RTL10: variants seen among roughly 807,000 people sequenced by gnomAD.
The protein encoded by RTL10 is protein Bop.
For missense variants in RTL10, 477 were observed against 470.7 expected, an observed-to-expected ratio of 1.01 and a Z score of -0.12; for synonymous variants, 199 against 188.4, an observed-to-expected ratio of 1.06 and a Z score of -0.46.
chr22:19,849,882 C>A lies in RTL10; in HGVS notation c.*1285G>T. The A allele has an allele frequency of 2.0e-6, 2 of 985,480 alleles. No individual in the cohort carries two copies. The highest frequency in any genetic ancestry group is 2.4e-6 in the Non-Finnish European group (2 of 829,976). The allele number at this position is 985,480 out of a possible 1,614,324, so 61.0% of individuals were successfully genotyped here. A position where few individuals can be genotyped will look rare whatever the true frequency, so the allele number is the denominator to read the frequency against. On this transcript the variant is annotated 3_prime_UTR_variant, in exon 3 of 3. Coordinates refer to ENST00000328554, the MANE Select transcript of RTL10 (RefSeq NM_024627.6). Reference sequence around the variant, plus strand: ...ACACTGGGCGGCTGTACCTGCCTATCCTGTGGTAAACTTGGCTCCAGGAGC... The same window carrying A: ...ACACTGGGCGGCTGTACCTGCCTATACTGTGGTAAACTTGGCTCCAGGAGC...
Position 19,846,819 on chromosome 22 carries a change from C to A in RTL10, c.*4348G>T. ...TCAGGAGAAACCAACCCTGCCCACACCTTGATCTCAGGCTTCTAGCTCCAG... is the reference window on the plus strand; with the variant it reads ...TCAGGAGAAACCAACCCTGCCCACAACTTGATCTCAGGCTTCTAGCTCCAG... On this transcript the variant is annotated 3_prime_UTR_variant, in exon 3 of 3. Coordinates refer to ENST00000328554, the MANE Select transcript of RTL10 (RefSeq NM_024627.6). 1 of 741,870 alleles carries A rather than the reference C, an allele frequency of 1.3e-6. No homozygotes were observed. The highest frequency in any genetic ancestry group is 1.6e-6 in the Non-Finnish European group (1 of 607,228). The allele number at this position is 741,870 out of a possible 1,614,324, so 46.0% of individuals were successfully genotyped here.
Position 19,848,956 on chromosome 22 carries a change from A to C in RTL10, c.*2211T>G. ...GAGCAACTCTGGGTTCTACTGCCAG[A>C]CCCACAGGTGAGCCAGGCCACAGTG... On this transcript the variant is annotated 3_prime_UTR_variant, in exon 3 of 3. Transcript: ENST00000328554. 6.1e-6 allele frequency: 6 copies of C among 985,524 alleles called. No homozygotes were observed. The highest frequency in any genetic ancestry group is 6.0e-6 in the Non-Finnish European group (5 of 830,040). The allele number at this position is 985,524 out of a possible 1,614,324, so 61.0% of individuals were successfully genotyped here.
chr22:19,852,254 C>T lies in RTL10; in HGVS notation c.8G>A (p.Arg3His), dbSNP rs1157305088. 1.5e-5 allele frequency: 24 copies of T among 1,603,442 alleles called. No homozygotes were observed. Among genetic ancestry groups the T allele is most frequent in the Non-Finnish European group, 2.0e-5 (23 of 1,174,366 alleles). The change falls in exon 3 of 3, where the codon CGT (arginine) becomes CAT (histidine). Residue 3 changes from arginine to histidine, a missense_variant. By Grantham distance (29) the Arg-to-His change is conservative. Coordinates refer to ENST00000328554, the MANE Select transcript of RTL10 (RefSeq NM_024627.6). The stretch of plus-strand genomic sequence containing the variant: ...AGGGCCCTGCTGACGGCACCGGCCA[C>T]GAGGCATGCTGGGAGCACAGGGGAG... The part of the protein sequence containing the change: MP[R>H]GRCRQQGPRI...
rs183796433 is a variant in RTL10, at chr22:19,846,603, T to G, written c.*4564A>C. 5.7e-4 allele frequency: 554 copies of G among 971,308 alleles called. 3 individuals carry two copies. The African/African-American group carries it at 9.2e-3, about 16-fold the overall frequency. 60.2% of individuals were successfully genotyped at this position (971,308 alleles called of 1,614,324 possible). A position where few individuals can be genotyped will look rare whatever the true frequency, so the allele number is the denominator to read the frequency against. ...GGCAGAACTATGTCCCTTCAATATT[T>G]TTATGTTCAAGTCCTAACCCCTAGT... On this transcript the variant is annotated 3_prime_UTR_variant, in exon 3 of 3. Transcript: ENST00000328554.
chr22:19,853,617 G>C (rs973305939), intron 2 of RTL10, among the ~76,000 whole-genome samples: 1 of 152,120 alleles, frequency 6.6e-6, no homozygotes, highest in South Asian at 2.1e-4. Context: ...AGTTCCTCCA[G>C]GTACCTCCCA....
rs1328141048 is a variant in RTL10 at position 19,852,185 on chromosome 22, G to A, written c.77C>T (p.Pro26Leu). 6.2e-7 allele frequency: 1 copy of A among 1,613,884 alleles called. No homozygotes were observed. Among genetic ancestry groups the A allele is most frequent in the Non-Finnish European group, 8.5e-7 (1 of 1,180,036 alleles). The change falls in exon 3 of 3, where the codon CCA (proline) becomes CTA (leucine). Residue 26 changes from proline (P) to leucine (L), a missense_variant. Transcript: ENST00000328554. Reference sequence around the variant, plus strand: ...AGACGCCTTGTCCATCTGCTGCCATGGATGTGCGTTGGCATAATTGGCGGC... The same window carrying A: ...AGACGCCTTGTCCATCTGCTGCCATAGATGTGCGTTGGCATAATTGGCGGC... ...WAAANYANAH[P>L]WQQMDKASPG...
Position 19,851,558 on chromosome 22 carries a change from G to A in RTL10, c.704C>T (p.Pro235Leu). The A allele has an allele frequency of 6.2e-7, 1 of 1,612,832 alleles. No individual in the cohort carries two copies. Among genetic ancestry groups the A allele is most frequent in the Non-Finnish European group, 8.5e-7 (1 of 1,179,166 alleles). The change falls in exon 3 of 3, where the codon CCA becomes CTA. Residue 235 changes from proline (P) to leucine (L), a missense_variant. Pro to Leu is a moderately conservative substitution (Grantham distance 98, BLOSUM62 -3). Coordinates refer to ENST00000328554, the MANE Select transcript of RTL10 (RefSeq NM_024627.6). ...CACAGCAGGGGTGGCCATGGCGGCTGGTAAAGACCTGGGGGCAGTACCCAT... is the reference window on the plus strand; with the variant it reads ...CACAGCAGGGGTGGCCATGGCGGCTAGTAAAGACCTGGGGGCAGTACCCAT... ...LDMGTAPRSLPAAMATPAVSG... is the reference protein window; with the variant it reads ...LDMGTAPRSLLAAMATPAVSG...
chr22:19,849,874 C>T lies in RTL10; in HGVS notation c.*1293G>A, dbSNP rs899672466. ...CACTGCACACACTGGGCGGCTGTACCTGCCTATCCTGTGGTAAACTTGGCT... is the reference window on the plus strand; with the variant it reads ...CACTGCACACACTGGGCGGCTGTACTTGCCTATCCTGTGGTAAACTTGGCT... On this transcript the variant is annotated 3_prime_UTR_variant, in exon 3 of 3. Transcript: ENST00000328554. 1.2e-5 allele frequency: 12 copies of T among 985,368 alleles called. No homozygotes were observed. Among genetic ancestry groups the T allele is most frequent in the African/African-American group, 8.7e-5 (5 of 57,238 alleles). The allele number at this position is 985,368 out of a possible 1,614,324, so 61.0% of individuals were successfully genotyped here. A position where few individuals can be genotyped will look rare whatever the true frequency, so the allele number is the denominator to read the frequency against.
Position 19,847,139 on chromosome 22 carries a change from G to A in RTL10, c.*4028C>T. On this transcript the variant is annotated 3_prime_UTR_variant, in exon 3 of 3. Transcript: ENST00000328554. ...TGACACACATTACTTGTGGCCTGCT[G>A]TGGCCTTTCCCCTGCCTCAGTGAGC... is the stretch of plus-strand genomic sequence containing the variant. 1.0e-6 allele frequency: 1 copy of A among 985,474 alleles called. No individual in the cohort carries two copies. The highest frequency in any genetic ancestry group is 1.2e-6 in the Non-Finnish European group (1 of 829,952). The allele number at this position is 985,474 out of a possible 1,614,324, so 61.0% of individuals were successfully genotyped here.
Position 19,851,438 on chromosome 22 carries a change from C to T in RTL10, c.824G>A (p.Ser275Asn). The stretch of plus-strand genomic sequence containing the variant: ...ACCAGGCTTGGAGCTACATGTAGAA[C>T]TGGGCAGGACTGGGGGCTCCTTGGG... ...PGPKEPPVLP[S>N]STCSSKPGPV... The change falls in exon 3 of 3, where the codon AGT becomes AAT. Residue 275 changes from serine to asparagine, a missense_variant. Physicochemically the swap from Ser to Asn is conservative, Grantham distance 46. Coordinates refer to ENST00000328554, the MANE Select transcript of RTL10 (RefSeq NM_024627.6). 1 of 1,614,054 alleles carries T rather than the reference C, an allele frequency of 6.2e-7. No homozygotes were observed. Among genetic ancestry groups the T allele is most frequent in the African/African-American group, 1.3e-5 (1 of 75,002 alleles).
rs141316334 is a variant in RTL10 at position 19,847,862 on chromosome 22, A to G, written c.*3305T>C. 2.5e-4 allele frequency: 241 copies of G among 949,174 alleles called. 1 individual carries two copies. The African/African-American group carries it at 3.7e-3, about 15-fold the overall frequency. The allele number at this position is 949,174 out of a possible 1,614,324, so 58.8% of individuals were successfully genotyped here. ...TTTCCTCTAGTACTTTCATAATTGT[A>G]ACATTGAAATCTTTAATCTGGAATA... On this transcript the variant is annotated 3_prime_UTR_variant, in exon 3 of 3. Coordinates refer to ENST00000328554, the MANE Select transcript of RTL10 (RefSeq NM_024627.6).
chr22:19,849,626 C>G lies in RTL10; in HGVS notation c.*1541G>C, dbSNP rs138329998. The G allele has an allele frequency of 0.016, 15,017 of 949,462 alleles. 144 individuals are homozygous for G. Among genetic ancestry groups the G allele is most frequent in the Admixed American group, 0.035 (576 of 16,254 alleles). 58.8% of individuals were successfully genotyped at this position (949,462 alleles called of 1,614,324 possible). A position where few individuals can be genotyped will look rare whatever the true frequency, so the allele number is the denominator to read the frequency against. Reference sequence around the variant, plus strand: ...AGGTGATCCACCCACCTTGGCCTCCCAGAGTGCTGGGATTACAGGTGTGAG... The same window carrying G: ...AGGTGATCCACCCACCTTGGCCTCCGAGAGTGCTGGGATTACAGGTGTGAG... On this transcript the variant is annotated 3_prime_UTR_variant, in exon 3 of 3. Transcript: ENST00000328554.
In RTL10 at chr22:19,850,019, C is replaced by T; in HGVS notation, c.*1148G>A. The T allele has an allele frequency of 1.0e-6, 1 of 985,866 alleles. No individual in the cohort carries two copies. Among genetic ancestry groups the T allele is most frequent in the African/African-American group, 1.7e-5 (1 of 57,368 alleles). The allele number at this position is 985,866 out of a possible 1,614,324, so 61.1% of individuals were successfully genotyped here. On this transcript the variant is annotated 3_prime_UTR_variant, in exon 3 of 3. Coordinates refer to ENST00000328554, the MANE Select transcript of RTL10 (RefSeq NM_024627.6). ...GCTCTGGACTGCTGCCTGGTCCTCA[C>T]TTCACCTACAGCTCTCGGAAGTCAG...
At position 19,850,609 on chromosome 22, in the gene RTL10, C is replaced by T; in HGVS notation, c.*558G>A. The T allele has an allele frequency of 8.3e-7, 1 of 1,209,330 alleles. No individual in the cohort carries two copies. The highest frequency in any genetic ancestry group is 1.0e-6 in the Non-Finnish European group (1 of 974,120). 74.9% of individuals were successfully genotyped at this position (1,209,330 alleles called of 1,614,324 possible). A position where few individuals can be genotyped will look rare whatever the true frequency, so the allele number is the denominator to read the frequency against. On this transcript the variant is annotated 3_prime_UTR_variant, in exon 3 of 3. Transcript: ENST00000328554. ...GGAAACATCATTCTTTGCCAAGATG[C>T]TATCCCACTCATCCCCCAGAATCAA...
chr22:19,853,740 A>C (rs1006943652), intron 2 of RTL10, among the ~76,000 whole-genome samples: 1 of 152,090 alleles, frequency 6.6e-6, no homozygotes, highest in African/African-American at 2.4e-5. Flanking sequence ...CTTCACCTGA[A>C]AGCCCAGCCC....
At position 19,846,473 on chromosome 22, in the gene RTL10, G is replaced by A. The variant is rs1241755176; in HGVS notation, c.*4694C>T. 2 of 985,054 alleles carry A rather than the reference G, an allele frequency of 2.0e-6. No individual in the cohort carries two copies. The highest frequency in any genetic ancestry group is 3.5e-5 in the African/African-American group (2 of 57,214). The allele number at this position is 985,054 out of a possible 1,614,324, so 61.0% of individuals were successfully genotyped here. A position where few individuals can be genotyped will look rare whatever the true frequency, so the allele number is the denominator to read the frequency against. ...TGGGCCCCAGAACCCAGGGCCTGGG[G>A]GACTCTGCACACAGGCATGTGGAGA... On this transcript the variant is annotated 3_prime_UTR_variant, in exon 3 of 3. Coordinates refer to ENST00000328554, the MANE Select transcript of RTL10 (RefSeq NM_024627.6).
Position 19,849,357 on chromosome 22 carries a change from T to A in RTL10, c.*1810A>T, listed in dbSNP as rs1315182533. On this transcript the variant is annotated 3_prime_UTR_variant, in exon 3 of 3. Transcript: ENST00000328554. ...ACAATTTATATTTTTCTAAATAAGG[T>A]TTTTGTTTTTTGTTGTTTTTTTTTT... The A allele has an allele frequency of 2.1e-6, 2 of 937,720 alleles. No homozygotes were observed. The highest frequency in any genetic ancestry group is 2.5e-6 in the Non-Finnish European group (2 of 788,822). The allele number at this position is 937,720 out of a possible 1,614,324, so 58.1% of individuals were successfully genotyped here. A position where few individuals can be genotyped will look rare whatever the true frequency, so the allele number is the denominator to read the frequency against.
At chr22:19,854,267 C>A (rs1938182804) in intron 2 of RTL10, among the ~76,000 whole-genome samples, 176 bp downstream of exon 2, 1 of 152,204 alleles carries the variant, frequency 6.6e-6, no homozygotes, top group Non-Finnish European at 1.5e-5. Flanking sequence ...CCAAAGGCAG[C>A]ACCTGGAACG....
In RTL10 at chr22:19,852,232, G is replaced by A; in HGVS notation, c.30C>T (p.Gly10=). Residue 10 remains glycine, a synonymous_variant, in exon 3 of 3, where the codon GGC becomes GGT. Coordinates refer to ENST00000328554, the MANE Select transcript of RTL10 (RefSeq NM_024627.6). The stretch of plus-strand genomic sequence containing the variant: ...CGGCTGCCCAGATGGGAATGCGAGG[G>A]CCCTGCTGACGGCACCGGCCACGAG... MPRGRCRQQ[G]PRIPIWAAAN... The A allele has an allele frequency of 2.5e-6, 4 of 1,611,498 alleles. No individual in the cohort carries two copies. Among genetic ancestry groups the A allele is most frequent in the Non-Finnish European group, 3.4e-6 (4 of 1,178,760 alleles).
Sources: allele counts gnomAD v4.1 joint callset (sites outside exome capture counted in the v4.1 genomes callset), GRCh38; gene constraint gnomAD v4.1.1; transcripts MANE v1.5; gene names NCBI Gene and HGNC (gene_info 2026-07-23, HGNC 2026-07-21).